The following VPS37B variants were observed in gnomAD, a reference collection of about 807,000 sequenced individuals.
The protein encoded by VPS37B is vacuolar protein sorting-associated protein 37B.
In VPS37B, 11 loss-of-function variants were observed where a neutral mutation model predicts 21.2. The ratio of observed to expected loss-of-function variants is 0.52; its 90% confidence interval spans 0.33 to 0.86. The LOEUF (loss-of-function observed/expected upper bound fraction) is 0.86. Among genes scored for constraint, VPS37B ranks in the 40% least tolerant of loss-of-function variants. The probability of loss-of-function intolerance (pLI) is 0.03; values close to 1 mark genes in which losing one functional copy is unlikely to be tolerated. For missense variants in VPS37B, 389 were observed against 374.8 expected, an observed-to-expected ratio of 1.04 and a Z score of -0.31; for synonymous variants, 175 against 159.6, an observed-to-expected ratio of 1.10 and a Z score of -0.73.
intron 1 of VPS37B, chr12:122,884,582 A>G (rs1037593): frequency 0.95 from 144,749 of 152,172 alleles, 68,891 homozygotes; most frequent in East Asian, 0.99. Flanking sequence ...ATTCCAGTGT[A>G]GGAGCAGAAA....
At chr12:122,869,389 G>A (rs562590935) in intron 2 of VPS37B, among the ~76,000 whole-genome samples, 1 of 152,212 alleles carries the variant, frequency 6.6e-6, no homozygotes, top group African/African-American at 2.4e-5. Context: ...AGAAAAGGAG[G>A]TGGCTGTGGC....
chr12:122,871,183 G>A (rs1482863888), intron 1 of VPS37B, 122 bp from the exon 2 acceptor site: 2 of 1,443,136 alleles, frequency 1.4e-6, no homozygotes, highest in Admixed American at 5.6e-5. Context: ...TCCACAGCTG[G>A]CACCGCATGC....
chr12:122,867,440 G>C lies in VPS37B; in HGVS notation c.534C>G (p.Pro178=). The C allele has an allele frequency of 4.3e-6, 7 of 1,612,552 alleles. No homozygotes were observed. Among genetic ancestry groups the C allele is most frequent in the Non-Finnish European group, 5.9e-6 (7 of 1,179,656 alleles). Residue 178 remains proline (P), a synonymous_variant, in exon 4 of 4, where the codon CCC becomes CCG. Coordinates refer to ENST00000267202, the MANE Select transcript of VPS37B (RefSeq NM_024667.3). The surrounding 1 kb of genome is among the most constrained non-coding windows in gnomAD (Gnocchi z 5.5). The stretch of plus-strand genomic sequence containing the variant: ...CGGTAGGTGCCAGTTCGGGCAGCCT[G>C]GGGGGCAGCGGGGCCAGGGCCTGTG... ...RLPQALAPLP[P]RLPELAPTAP... is the part of the protein sequence containing the mutation.
Position 122,867,025 on chromosome 12 carries a change from T to C in VPS37B, c.*91A>G, listed in dbSNP as rs1593901430. 2 of 1,413,928 alleles carry C rather than the reference T, an allele frequency of 1.4e-6. No individual in the cohort carries two copies. Among genetic ancestry groups the C allele is most frequent in the Non-Finnish European group, 1.9e-6 (2 of 1,080,284 alleles). 87.6% of individuals were successfully genotyped at this position (1,413,928 alleles called of 1,614,324 possible). ...ACGCTGGCCCAGGGCCCCAGAGCCCTTGGCACAGAGCGGACCTCCAGCCTC... is the reference window on the plus strand; with the variant it reads ...ACGCTGGCCCAGGGCCCCAGAGCCCCTGGCACAGAGCGGACCTCCAGCCTC... On this transcript the variant is annotated 3_prime_UTR_variant, in exon 4 of 4. Coordinates refer to ENST00000267202, the MANE Select transcript of VPS37B (RefSeq NM_024667.3). The surrounding 1 kb of genome is among the most constrained non-coding windows in gnomAD (Gnocchi z 5.5).
At chr12:122,895,674 A>G (rs529159723) in intron 1 of VPS37B, among the ~76,000 whole-genome samples, 14 of 150,540 alleles carry the variant, frequency 9.3e-5, no homozygotes, top group East Asian at 2.0e-4. Context: ...AGGACCCCCA[A>G]TCGGCTCCCC....
At position 122,868,752 on chromosome 12, in the gene VPS37B, CACCAGCTGCTTCTAGA is replaced by C. The variant is rs1377047911; in HGVS notation, c.284-206_284-191del. Among the ~76,000 whole-genome samples, 4 of 152,190 alleles carry C rather than the reference CACCAGCTGCTTCTAGA, an allele frequency of 2.6e-5. No individual in the cohort carries two copies. Among genetic ancestry groups the C allele is most frequent in the Non-Finnish European group, 5.9e-5 (4 of 68,030 alleles). On this transcript the variant is annotated intron_variant, in intron 2 of 3. Coordinates refer to ENST00000267202, the MANE Select transcript of VPS37B (RefSeq NM_024667.3). This position sits in a 1 kb window ranked among gnomAD's most constrained non-coding sequence, Gnocchi z 5.5. ...CATCCCATGTCAGAGCAACCTGTGT[CACCAGCTGCTTCTAGA>C]ACCAGCTGTTTTCAAATATGGGGCA...
At chr12:122,874,141 A>G (rs1287135501) in intron 1 of VPS37B, 2 of 152,312 alleles carry the variant, frequency 1.3e-5, no homozygotes, top group Non-Finnish European at 2.9e-5. Flanking sequence ...CAGTCAAGGT[A>G]GCACACAGCA....
chr12:122,870,693 G>A (rs954112106), intron 2 of VPS37B, 197 bp downstream of exon 2: 2 of 535,754 alleles, frequency 3.7e-6, no homozygotes, highest in Non-Finnish European at 6.2e-6. Flanking sequence ...TTGCGCCACT[G>A]CACTCCAGTC....
At chr12:122,875,148 C>T (rs920186266) in intron 1 of VPS37B, 1 of 150,678 alleles carries the variant, frequency 6.6e-6, no homozygotes, top group Non-Finnish European at 1.5e-5. Flanking sequence ...CAGCCTCCGC[C>T]TGCCAGGTTC....
In VPS37B at chr12:122,866,837, C is replaced by T; in HGVS notation, c.*279G>A. On this transcript the variant is annotated 3_prime_UTR_variant, in exon 4 of 4. Coordinates refer to ENST00000267202, the MANE Select transcript of VPS37B (RefSeq NM_024667.3). ...GGGGAGAGGCCTATTTCTTCCCAAA[C>T]ATGAGTTCATCAACGCTAAGATACT... 1 of 377,122 alleles carries T rather than the reference C, an allele frequency of 2.7e-6. No individual in the cohort carries two copies. The highest frequency in any genetic ancestry group is 4.7e-6 in the Non-Finnish European group (1 of 212,318). 23.4% of individuals were successfully genotyped at this position (377,122 alleles called of 1,614,324 possible). A position where few individuals can be genotyped will look rare whatever the true frequency, so the allele number is the denominator to read the frequency against.
chr12:122,876,034 C>T (rs1041992093), intron 1 of VPS37B: 1 of 152,096 alleles, frequency 6.6e-6, no homozygotes, highest in African/African-American at 2.4e-5. Flanking sequence ...TATAAATTTA[C>T]TCAGTTTCAC....
At position 122,896,063 on chromosome 12, in the gene VPS37B, C is replaced by A. The variant is rs1157631023; in HGVS notation, c.-1G>T. ...GGGCTTCGCTCCCGGCGCCCGCCAT[C>A]CCCACGTCTCGGCCGTCGTCGCCAC... On this transcript the variant is annotated 5_prime_UTR_variant, in exon 1 of 4. Coordinates refer to ENST00000267202, the MANE Select transcript of VPS37B (RefSeq NM_024667.3). 3.2e-6 allele frequency: 5 copies of A among 1,577,010 alleles called. No individual in the cohort carries two copies. In the Admixed American group the frequency reaches 5.2e-5, roughly 16 times the overall value.
chr12:122,866,357 A>C lies in VPS37B; in HGVS notation c.*759T>G, dbSNP rs2033899852. On this transcript the variant is annotated 3_prime_UTR_variant, in exon 4 of 4. Coordinates refer to ENST00000267202, the MANE Select transcript of VPS37B (RefSeq NM_024667.3). ...TTTCAATATAAAACAGGAAAATCAC[A>C]CACGTAGTAAAAATATTGGGGGATT... The C allele has an allele frequency of 6.6e-6, 1 of 152,640 alleles. No individual in the cohort carries two copies. Among genetic ancestry groups the C allele is most frequent in the African/African-American group, 2.4e-5 (1 of 41,458 alleles). The allele number at this position is 152,640 out of a possible 1,614,324, so 9.5% of individuals were successfully genotyped here.
chr12:122,890,056 G>C (rs908333314), intron 1 of VPS37B: 2 of 152,232 alleles, frequency 1.3e-5, no homozygotes, highest in African/African-American at 4.8e-5. Flanking sequence ...ACTGAGGGCA[G>C]AGCACAAGGC....
At position 122,867,229 on chromosome 12, in the gene VPS37B, G is replaced by A. The variant is rs771820210; in HGVS notation, c.745C>T (p.Leu249Phe). The A allele has an allele frequency of 1.3e-6, 2 of 1,572,182 alleles. No individual in the cohort carries two copies. The highest frequency in any genetic ancestry group is 1.2e-5 in the South Asian group (1 of 83,696). ...QCPPLPPRVG[L>F]PTQQGFSSQF... ...GAAGAGAATCCTTGCTGAGTGGGGA[G>A]GCCCACGCGGGGGGGCAGGGGCGGG... Residue 249 changes from leucine to phenylalanine, a missense_variant, in exon 4 of 4, where the codon CTC becomes TTC. By Grantham distance (22) the Leu-to-Phe change is conservative (BLOSUM62 0). Coordinates refer to ENST00000267202, the MANE Select transcript of VPS37B (RefSeq NM_024667.3). The surrounding 1 kb of genome is among the most constrained non-coding windows in gnomAD (Gnocchi z 5.5).
rs890050669 is a variant in VPS37B at position 122,871,644 on chromosome 12, T to C, written c.112-583A>G. 13 of 985,226 alleles carry C rather than the reference T, an allele frequency of 1.3e-5. No homozygotes were observed. The African/African-American group carries it at 2.1e-4, about 16-fold the overall frequency. 61.0% of individuals were successfully genotyped at this position (985,226 alleles called of 1,614,324 possible). A position where few individuals can be genotyped will look rare whatever the true frequency, so the allele number is the denominator to read the frequency against. ...GAGCCTTCCAGCTCCTAGCTGTTGG[T>C]GGGTGAGCAAAGCCGACCAAAAGCT... is the stretch of plus-strand genomic sequence containing the variant. On this transcript the variant is annotated intron_variant, in intron 1 of 3. Coordinates refer to ENST00000267202, the MANE Select transcript of VPS37B (RefSeq NM_024667.3).
chr12:122,867,718 C>A lies in VPS37B; in HGVS notation c.367-111G>T. 1 of 1,443,980 alleles carries A rather than the reference C, an allele frequency of 6.9e-7. No homozygotes were observed. Among genetic ancestry groups the A allele is most frequent in the Non-Finnish European group, 9.5e-7 (1 of 1,054,824 alleles). The allele number at this position is 1,443,980 out of a possible 1,614,324, so 89.4% of individuals were successfully genotyped here. On this transcript the variant is annotated intron_variant, in intron 3 of 3. Transcript: ENST00000267202. This position sits in a 1 kb window ranked among gnomAD's most constrained non-coding sequence, Gnocchi z 5.5. Reference sequence around the variant, plus strand: ...CCAGCTGCTTCCAACACTGCCCCCTCCCTGTAACCACCCAGAGGGCCTCGC... The same window carrying A: ...CCAGCTGCTTCCAACACTGCCCCCTACCTGTAACCACCCAGAGGGCCTCGC...
chr12:122,890,917 T>C (rs1271427284), intron 1 of VPS37B, among the ~76,000 whole-genome samples: 1 of 152,208 alleles, frequency 6.6e-6, no homozygotes, highest in Non-Finnish European at 1.5e-5. Flanking sequence ...CACAGGGAAG[T>C]GTTCAAGAGC....
intron 1 of VPS37B, chr12:122,889,274 G>A (rs925795277): frequency 6.6e-6 from 1 of 152,342 alleles, no homozygotes. Flanking sequence ...AGCAGGAGAG[G>A]GGAAGTGAGA....
Sources: allele counts gnomAD v4.1 joint callset (sites outside exome capture counted in the v4.1 genomes callset), GRCh38; gene constraint gnomAD v4.1.1; non-coding constraint Gnocchi (gnomAD v3.1); transcripts MANE v1.5; gene names NCBI Gene and HGNC (gene_info 2026-07-23, HGNC 2026-07-21).